The following LPP variants were observed in gnomAD, a reference collection of about 807,000 sequenced individuals.
The protein encoded by LPP is LIM domain containing preferred translocation partner in lipoma, also known as lipoma-preferred partner.
In LPP, 38 loss-of-function variants were observed where a neutral mutation model predicts 60.4. The observed-to-expected ratio is 0.63, with a 90% CI of 0.49 to 0.83. The LOEUF (loss-of-function observed/expected upper bound fraction) is 0.83. Among genes scored for constraint, LPP ranks in the 40% least tolerant of loss-of-function variants. The probability of loss-of-function intolerance (pLI) is 0.00; values close to 1 mark genes in which losing one functional copy is unlikely to be tolerated. For synonymous variants in LPP, 328 were observed against 290.8 expected (o/e 1.13, Z -1.30); for missense variants, 902 against 783.6 (o/e 1.15, Z -1.80).
intron 4 of LPP, among the ~76,000 whole-genome samples, chr3:188,479,144 CGT>C (rs1488445740): frequency 6.6e-6 from 1 of 151,968 alleles, no homozygotes; most frequent in Non-Finnish European, 1.5e-5. Context: ...TGTGTGTGTG[CGT>C]GTGTGTGTAG....
chr3:188,380,724 A>C (rs1222715701), intron 3 of LPP, among the ~76,000 whole-genome samples: 7 of 152,204 alleles, frequency 4.6e-5, no homozygotes, highest in Admixed American at 2.0e-4. Flanking sequence ...AATTATCTTT[A>C]ATTGTGTGGA....
At chr3:188,764,267 G>A (rs1733312743) in intron 9 of LPP, among the ~76,000 whole-genome samples, 1 of 152,102 alleles carries the variant, frequency 6.6e-6, no homozygotes, top group African/African-American at 2.4e-5. Context: ...TAGCTTCTGA[G>A]TATCAGTGTC....
intron 1 of LPP, among the ~76,000 whole-genome samples, chr3:188,207,621 C>CTTT: frequency 7.6e-6 from 1 of 131,308 alleles, no homozygotes; most frequent in South Asian, 2.4e-4. Context: ...TCTTTTTCTT[C>CTTT]TTTTTTTTTT....
rs1270546668 is a variant in LPP, at chr3:188,785,537, T to C, written c.1410+25255T>C. Among the ~76,000 whole-genome samples, 2 of 108,856 alleles carry C rather than the reference T, an allele frequency of 1.8e-5. 1 individual carries two copies. 71.4% of individuals were successfully genotyped at this position (108,856 alleles called of 152,430 possible). ...ATATATATATATATATATTCCATCA[T>C]ATATATATATACACACACACACACA... is the stretch of plus-strand genomic sequence containing the variant. On this transcript the variant is annotated intron_variant, in intron 9 of 11. Coordinates refer to ENST00000617246, the MANE Select transcript of LPP (RefSeq NM_001375462.1).
chr3:188,521,831 A>G (rs1191759115), intron 5 of LPP, among the ~76,000 whole-genome samples: 2 of 152,188 alleles, frequency 1.3e-5, no homozygotes, highest in African/African-American at 2.4e-5. Context: ...ACCCTTGCCA[A>G]TATATTGGAC....
intron 2 of LPP, among the ~76,000 whole-genome samples, chr3:188,250,784 T>G (rs6776899): frequency 0.35 from 40,267 of 116,460 alleles, 6,628 homozygotes; most frequent in Middle Eastern, 0.42. Context: ...CTTTCTTTCT[T>G]TCTGTCTTTC....
chr3:188,407,768 G>GTTTTTTGTTTTTTTTTT, intron 4 of LPP, among the ~76,000 whole-genome samples: 1 of 61,314 alleles, frequency 1.6e-5, no homozygotes, highest in East Asian at 8.2e-4. Context: ...CTCATTTATG[G>GTTTTTTGTTTTTTTTTT]TTTTTTTTTT....
intron 1 of LPP, among the ~76,000 whole-genome samples, chr3:188,211,144 G>C (rs931434797): frequency 6.6e-6 from 1 of 152,122 alleles, no homozygotes; most frequent in African/African-American, 2.4e-5. Context: ...ACACATGATT[G>C]GACCATTTCT....
rs114205720 is a variant in LPP, at chr3:188,514,321, A to G, written c.307-10344A>G. On this transcript the variant is annotated intron_variant, in intron 5 of 11. Coordinates refer to ENST00000617246, the MANE Select transcript of LPP (RefSeq NM_001375462.1). ...CTTGTTCATTGTTTTCCTCCACCCA[A>G]TGATAGACTTCCTACCTCCTGTTGT... 7.3e-3 allele frequency among the ~76,000 whole-genome samples: 1,115 copies of G among 151,944 alleles called. 18 individuals carry two copies. Among genetic ancestry groups the G allele is most frequent in the African/African-American group, 0.025 (1,038 of 41,412 alleles).
chr3:188,602,788 G>T (rs1841655085), intron 6 of LPP, among the ~76,000 whole-genome samples: 1 of 149,430 alleles, frequency 6.7e-6, no homozygotes, highest in South Asian at 2.1e-4. Flanking sequence ...TTCAGATGAA[G>T]AGTCAGTCTA....
intron 1 of LPP, among the ~76,000 whole-genome samples, chr3:188,203,080 A>G (rs1352862231): frequency 6.9e-6 from 1 of 144,014 alleles, no homozygotes; most frequent in Non-Finnish European, 1.5e-5. Flanking sequence ...ATTATATAAT[A>G]ATTAAATTAT....
At chr3:188,779,116 CT>C (rs1738774618) in intron 9 of LPP, among the ~76,000 whole-genome samples, 1 of 150,700 alleles carries the variant, frequency 6.6e-6, no homozygotes, top group African/African-American at 2.4e-5. Context: ...CAAATGACAA[CT>C]TAAAAGAAAA....
rs796357580 is a variant in LPP, at chr3:188,274,703, TAATA to T, written c.-67+49182_-67+49185del. 3.9e-4 allele frequency among the ~76,000 whole-genome samples: 59 copies of T among 152,302 alleles called. 1 individual carries two copies. Among genetic ancestry groups the T allele is most frequent in the African/African-American group, 1.3e-3 (56 of 41,572 alleles). ...CTGCAGATAGAAAGTGCTTCATGTG[TAATA>T]AATAATAATAGCCTCTTAAGATTAG... On this transcript the variant is annotated intron_variant, in intron 2 of 11. Coordinates refer to ENST00000617246, the MANE Select transcript of LPP (RefSeq NM_001375462.1).
chr3:188,522,689 A>G (rs1253463917), intron 5 of LPP, among the ~76,000 whole-genome samples: 1 of 151,300 alleles, frequency 6.6e-6, no homozygotes, highest in East Asian at 2.0e-4. Flanking sequence ...TTAAAAGGGT[A>G]GGGGAATAAC....
chr3:188,867,430 T>C (rs962979291), intron 10 of LPP, among the ~76,000 whole-genome samples: 2 of 151,932 alleles, frequency 1.3e-5, no homozygotes, highest in Non-Finnish European at 2.9e-5. Context: ...CTGCAACCTC[T>C]GCCTCCTGAC....
At chr3:188,321,242 T>A (rs1179280524) in intron 2 of LPP, among the ~76,000 whole-genome samples, 1 of 152,230 alleles carries the variant, frequency 6.6e-6, no homozygotes, top group Non-Finnish European at 1.5e-5. Flanking sequence ...GTGGGAGATG[T>A]GCTGTATAAT....
intron 9 of LPP, among the ~76,000 whole-genome samples, chr3:188,821,369 AT>A (rs201515540): frequency 2.6e-4 from 37 of 144,538 alleles, no homozygotes; most frequent in Non-Finnish European, 4.1e-4. Context: ...GGACATCAGT[AT>A]TTTTTTTTTA....
intron 9 of LPP, among the ~76,000 whole-genome samples, chr3:188,845,018 C>T (rs1008650242): frequency 6.6e-5 from 10 of 152,144 alleles, no homozygotes; most frequent in African/African-American, 2.4e-4. Flanking sequence ...TTTACTGAGG[C>T]GCAGAGCTTT....
intron 1 of LPP, among the ~76,000 whole-genome samples, chr3:188,190,753 C>T (rs1038710002): frequency 1.3e-5 from 2 of 152,228 alleles, no homozygotes; most frequent in African/African-American, 4.8e-5. Flanking sequence ...AGGAAACCAA[C>T]AGCTCTAGAG....
Sources: allele counts gnomAD v4.1 joint callset (sites outside exome capture counted in the v4.1 genomes callset), GRCh38; gene constraint gnomAD v4.1.1; transcripts MANE v1.5; gene names NCBI Gene and HGNC (gene_info 2026-07-23, HGNC 2026-07-21).